APP: variants seen among roughly 807,000 people sequenced by gnomAD.
The protein encoded by APP is amyloid beta precursor protein, also known as amyloid-beta precursor protein.
In APP, 31 loss-of-function variants were observed where a neutral mutation model predicts 101.4. That is an observed-to-expected ratio of 0.31 (90% CI 0.23 to 0.41). APP has a LOEUF of 0.41. APP is among the 10% of genes least tolerant of loss of function. The pLI, the probability that APP is intolerant of heterozygous loss-of-function variation, is 1.00. For missense variants in APP, 839 were observed against 1,003.7 expected, an observed-to-expected ratio of 0.84 and a Z score of 2.22; for synonymous variants, 366 against 364.4, an observed-to-expected ratio of 1.00 and a Z score of -0.05.
chr21:25,935,604 G>A (rs2040326093), intron 13 of APP, among the ~76,000 whole-genome samples: 1 of 152,096 alleles, frequency 6.6e-6, no homozygotes, highest in African/African-American at 2.4e-5. Flanking sequence ...CACTTTGCGA[G>A]GCCGAGGCGA....
chr21:25,898,013 C>CG, intron 15 of APP: 1 of 346,258 alleles, frequency 2.9e-6, no homozygotes, highest in Non-Finnish European at 5.4e-6. Context: ...GCTTGGCTTA[C>CG]GGGCTTATTG....
At chr21:25,925,479 C>G (rs2039848864) in intron 13 of APP, among the ~76,000 whole-genome samples, 1 of 152,110 alleles carries the variant, frequency 6.6e-6, no homozygotes, top group Non-Finnish European at 1.5e-5. Context: ...CAGGTCCCAC[C>G]CAGATCCAGG....
chr21:25,987,465 T>C (rs1231097317), intron 8 of APP, among the ~76,000 whole-genome samples: 1 of 152,194 alleles, frequency 6.6e-6, no homozygotes, highest in East Asian at 1.9e-4. Flanking sequence ...TAAATGACCT[T>C]TGTATTTTAG....
chr21:26,012,143 G>C (rs1194297422), intron 6 of APP, among the ~76,000 whole-genome samples: 5 of 151,696 alleles, frequency 3.3e-5, no homozygotes, highest in African/African-American at 1.2e-4. Context: ...GAGTAGCTGG[G>C]ACTATAAGCC....
chr21:25,920,180 G>A (rs1450315096), intron 13 of APP, among the ~76,000 whole-genome samples: 1 of 148,556 alleles, frequency 6.7e-6, no homozygotes, highest in Non-Finnish European at 1.5e-5. Context: ...CAAATGCTGA[G>A]AGATTTTGTC....
chr21:25,978,856 G>T (rs953711894), intron 9 of APP, among the ~76,000 whole-genome samples: 1 of 152,326 alleles, frequency 6.6e-6, no homozygotes, highest in Admixed American at 6.5e-5. Flanking sequence ...GGAGGCTGAG[G>T]CAGGAGAATC....
intron 13 of APP, among the ~76,000 whole-genome samples, chr21:25,918,653 G>A (rs535145787): frequency 1.3e-4 from 20 of 151,762 alleles, no homozygotes; most frequent in South Asian, 2.1e-4. Flanking sequence ...ACTCCCACCC[G>A]AATATTGCGC....
chr21:26,052,792 A>G lies in APP; in HGVS notation c.468+444T>C, dbSNP rs555476408. Among the ~76,000 whole-genome samples the G allele has an allele frequency of 2.0e-5, 3 of 152,374 alleles. No individual in the cohort carries two copies. The South Asian group carries it at 6.2e-4, about 32-fold the overall frequency. Reference sequence around the variant, plus strand: ...GGGGAAAAGGCTAAATTATTAAAAAATTGTATATGACAAAAGAAAACAACA... The same window carrying G: ...GGGGAAAAGGCTAAATTATTAAAAAGTTGTATATGACAAAAGAAAACAACA... On this transcript the variant is annotated intron_variant, in intron 4 of 17. Transcript: ENST00000346798.
intron 13 of APP, among the ~76,000 whole-genome samples, chr21:25,921,037 C>A (rs967750649): frequency 6.8e-5 from 10 of 146,690 alleles, no homozygotes; most frequent in African/African-American, 2.6e-4. Flanking sequence ...TCTCTCCGAC[C>A]ACAGTGCAAT....
At chr21:25,920,605 C>T (rs1346270546) in intron 13 of APP, among the ~76,000 whole-genome samples, 1 of 151,784 alleles carries the variant, frequency 6.6e-6, no homozygotes, top group Non-Finnish European at 1.5e-5. Flanking sequence ...AGACGTTAAA[C>T]CAACAAAGAT....
At position 26,146,140 on chromosome 21, in the gene APP, G is replaced by A. The variant is rs139746243; in HGVS notation, c.57+24424C>T. ...ACTTGAGGTCAGGAATTCGAGACCAGCCTGGCCAACATGGTGAAACCCTGC... is the reference window on the plus strand; with the variant it reads ...ACTTGAGGTCAGGAATTCGAGACCAACCTGGCCAACATGGTGAAACCCTGC... On this transcript the variant is annotated intron_variant, in intron 1 of 17. Transcript: ENST00000346798. Among the ~76,000 whole-genome samples, 823 of 152,348 alleles carry A rather than the reference G, an allele frequency of 5.4e-3. 4 individuals are homozygous for A. The highest frequency in any genetic ancestry group is 8.5e-3 in the Non-Finnish European group (575 of 68,024).
At chr21:26,076,579 G>A (rs1463844655) in intron 3 of APP, among the ~76,000 whole-genome samples, 1 of 152,184 alleles carries the variant, frequency 6.6e-6, no homozygotes, top group Non-Finnish European at 1.5e-5. Flanking sequence ...CAGCCCTAAA[G>A]TCTATCAAAT....
chr21:25,914,741 G>C (rs1034499616), intron 13 of APP, among the ~76,000 whole-genome samples: 1 of 152,004 alleles, frequency 6.6e-6, no homozygotes, highest in Non-Finnish European at 1.5e-5. Context: ...TTTTAGTAGA[G>C]ACGGGGTTTC....
intron 1 of APP, among the ~76,000 whole-genome samples, chr21:26,116,015 G>T (rs957665688): frequency 6.6e-6 from 1 of 152,106 alleles, no homozygotes; most frequent in Non-Finnish European, 1.5e-5. Flanking sequence ...GCCGTTTGTG[G>T]TCTATGCTTT....
At chr21:26,014,202 T>G (rs1273740871) in intron 6 of APP, among the ~76,000 whole-genome samples, 1 of 152,228 alleles carries the variant, frequency 6.6e-6, no homozygotes, top group East Asian at 1.9e-4. Context: ...TGAGTTCATG[T>G]TCGGGTTCAC....
chr21:26,090,077 G>C lies in APP; in HGVS notation c.226-5C>G. On this transcript the variant is annotated splice_polypyrimidine_tract_variant and splice_region_variant and intron_variant, in intron 2 of 17. Coordinates refer to ENST00000346798, the MANE Select transcript of APP (RefSeq NM_000484.4). ...GATCTGCAGTTCAGGGTAGACCTGG[G>C]AGAGCACACAAAAAGAATCAATTGT... 6.2e-7 allele frequency: 1 copy of C among 1,614,052 alleles called. No individual in the cohort carries two copies. Among genetic ancestry groups the C allele is most frequent in the Non-Finnish European group, 8.5e-7 (1 of 1,179,950 alleles).
At chr21:26,098,056 C>A (rs112449681) in intron 2 of APP, among the ~76,000 whole-genome samples, 1 of 127,654 alleles carries the variant, frequency 7.8e-6, no homozygotes, top group Admixed American at 9.5e-5. Context: ...CTCCAGCCTG[C>A]GAGGCAGAGC....
chr21:25,910,399 C>T (rs990380273), intron 14 of APP, among the ~76,000 whole-genome samples: 3 of 152,174 alleles, frequency 2.0e-5, no homozygotes, highest in East Asian at 3.9e-4. Context: ...CTAAGTCCTG[C>T]GATTACAGGC....
Position 26,170,153 on chromosome 21 carries a change from G to C in APP, c.57+411C>G, listed in dbSNP as rs187505993. On this transcript the variant is annotated intron_variant, in intron 1 of 17. Coordinates refer to ENST00000346798, the MANE Select transcript of APP (RefSeq NM_000484.4). ...GAAAGGAAAGGGCAACGATTCAAGA[G>C]CGAAGGACTGGCTTTAGGGACGCTG... Among the ~76,000 whole-genome samples, 332 of 152,346 alleles carry C rather than the reference G, an allele frequency of 2.2e-3. 1 individual carries two copies. Among genetic ancestry groups the C allele is most frequent in the African/African-American group, 7.6e-3 (316 of 41,588 alleles).
Sources: allele counts gnomAD v4.1 joint callset (sites outside exome capture counted in the v4.1 genomes callset), GRCh38; gene constraint gnomAD v4.1.1; transcripts MANE v1.5; gene names NCBI Gene and HGNC (gene_info 2026-07-23, HGNC 2026-07-21).